Variants in CHODL observed in about 807,000 individuals in gnomAD.
CHODL encodes transmembrane protein MT75.
CHODL carries 29 observed loss-of-function variants against 34.5 expected under a neutral mutation model. The ratio of observed to expected loss-of-function variants is 0.84; its 90% confidence interval spans 0.63 to 1.15. The LOEUF (loss-of-function observed/expected upper bound fraction) is 1.15, where lower values mean the gene tolerates loss of function less well. CHODL is among the 50% of genes most tolerant of loss of function. CHODL has a pLI of 0.00. For missense variants in CHODL, 332 were observed against 332.5 expected, an observed-to-expected ratio of 1.00 and a Z score of 0.01; for synonymous variants, 125 against 116.1, an observed-to-expected ratio of 1.08 and a Z score of -0.49.
chr21:17,922,340 T>A (rs1488619591), intron 1 of CHODL, among the ~76,000 whole-genome samples: 1 of 152,184 alleles, frequency 6.6e-6, no homozygotes, highest in South Asian at 2.1e-4. Flanking sequence ...TTTACAACAT[T>A]GTTCCACTGC....
chr21:18,030,638 T>G (rs950943020), intron 2 of CHODL, among the ~76,000 whole-genome samples: 8 of 152,128 alleles, frequency 5.3e-5, no homozygotes, highest in African/African-American at 1.9e-4. Flanking sequence ...TTGGTTGCAA[T>G]GAAGAATGCA....
chr21:18,170,418 A>G (rs889778552), intron 2 of CHODL, among the ~76,000 whole-genome samples: 4 of 152,098 alleles, frequency 2.6e-5, no homozygotes, highest in African/African-American at 9.7e-5. Context: ...ATAATTGCTG[A>G]TTAAACAGAA....
At chr21:18,218,015 C>CT (rs2073847347) in intron 2 of CHODL, among the ~76,000 whole-genome samples, 1 of 152,218 alleles carries the variant, frequency 6.6e-6, no homozygotes, top group African/African-American at 2.4e-5. Flanking sequence ...TGTACAGTCC[C>CT]ACTCTGGGCT....
intron 2 of CHODL, among the ~76,000 whole-genome samples, chr21:18,044,252 T>G (rs1290359984): frequency 1.3e-5 from 2 of 152,028 alleles, no homozygotes; most frequent in Non-Finnish European, 2.9e-5. Context: ...AAATGTGAAT[T>G]GTGTGATTTC....
chr21:18,094,428 C>T (rs568169693), intron 2 of CHODL, among the ~76,000 whole-genome samples: 58 of 152,166 alleles, frequency 3.8e-4, no homozygotes, highest in Admixed American at 7.2e-4. Context: ...CTCCTCAGCA[C>T]GTAGATTATT....
chr21:18,228,341 G>A (rs939524567), intron 2 of CHODL, among the ~76,000 whole-genome samples: 1 of 152,010 alleles, frequency 6.6e-6, no homozygotes, highest in African/African-American at 2.4e-5. Flanking sequence ...CATGTAAATC[G>A]CTTTCTCTGT....
At chr21:18,163,520 C>T (rs2073120308) in intron 2 of CHODL, among the ~76,000 whole-genome samples, 1 of 152,002 alleles carries the variant, frequency 6.6e-6, no homozygotes, top group Admixed American at 6.6e-5. Flanking sequence ...GAAGATATAG[C>T]TAGGACCAAA....
intron 2 of CHODL, among the ~76,000 whole-genome samples, chr21:18,150,704 CTTA>C (rs1188137076): frequency 2.0e-5 from 3 of 152,136 alleles, no homozygotes; most frequent in Non-Finnish European, 1.5e-5. Context: ...CTGCCACACC[CTTA>C]TTATTTCTCC....
At chr21:18,255,541 T>C (rs1403420779) in intron 1 of CHODL, among the ~76,000 whole-genome samples, 2 of 152,094 alleles carry the variant, frequency 1.3e-5, no homozygotes, top group Non-Finnish European at 2.9e-5. Context: ...TAACTGTCTT[T>C]GAAAGACCAG....
Position 18,256,323 on chromosome 21 carries a change from G to A in CHODL, c.80-186G>A, listed in dbSNP as rs867374534. Reference sequence around the variant, plus strand: ...AAGTTTATGTTGCAAGTTTACGAGGGAATAAATTTGCTTTTACAAATTGCA... The same window carrying A: ...AAGTTTATGTTGCAAGTTTACGAGGAAATAAATTTGCTTTTACAAATTGCA... On this transcript the variant is annotated intron_variant, in intron 1 of 5. Transcript: ENST00000299295. Among the ~76,000 whole-genome samples, 49 of 152,212 alleles carry A rather than the reference G, an allele frequency of 3.2e-4. No individual in the cohort carries two copies. The Middle Eastern group carries it at 0.01, about 32-fold the overall frequency.
intron 1 of CHODL, among the ~76,000 whole-genome samples, chr21:17,944,403 A>T (rs948956567): frequency 2.6e-5 from 4 of 152,126 alleles, no homozygotes; most frequent in Non-Finnish European, 5.9e-5. Context: ...TTTTTGGAGA[A>T]ATGTAACAGC....
chr21:18,165,137 C>A (rs912953499), intron 2 of CHODL, among the ~76,000 whole-genome samples: 2 of 152,106 alleles, frequency 1.3e-5, no homozygotes, highest in African/African-American at 4.8e-5. Context: ...GTAGTGTTCC[C>A]CAAGTTGTGA....
In CHODL at chr21:17,965,646, C is replaced by G. The variant is rs76234144; in HGVS notation, c.-145+48246C>G. ...TCTTGTCTTATAGATGATTTCACGT[C>G]ACTTTCTTCTGCTAGATTGTGAGTT... On this transcript the variant is annotated intron_variant, in intron 1 of 6. Transcript: ENST00000400127. Among the ~76,000 whole-genome samples the G allele has an allele frequency of 4.5e-3, 692 of 152,246 alleles. 4 individuals carry two copies. Among genetic ancestry groups the G allele is most frequent in the African/African-American group, 0.015 (641 of 41,532 alleles).
rs574624752 is a variant in CHODL, at chr21:17,987,670, C to G, written c.-144-40202C>G. Among the ~76,000 whole-genome samples, 44 of 152,170 alleles carry G rather than the reference C, an allele frequency of 2.9e-4. 1 individual carries two copies. In the East Asian group the frequency reaches 2.9e-3, roughly 10 times the overall value. On this transcript the variant is annotated intron_variant, in intron 1 of 6. Transcript: ENST00000400127. Reference sequence around the variant, plus strand: ...ATGACCTGTTTTCTTTGAACACTGACTTAATAGAAAAGCAAAGAGCTACCC... The same window carrying G: ...ATGACCTGTTTTCTTTGAACACTGAGTTAATAGAAAAGCAAAGAGCTACCC...
chr21:18,035,966 T>G (rs2064304295), intron 2 of CHODL, among the ~76,000 whole-genome samples: 1 of 152,052 alleles, frequency 6.6e-6, no homozygotes, highest in South Asian at 2.1e-4. Context: ...TTTTCCTCCT[T>G]TGCATATTTG....
At chr21:18,017,332 C>G (rs1198015271) in intron 1 of CHODL, among the ~76,000 whole-genome samples, 2 of 152,136 alleles carry the variant, frequency 1.3e-5, no homozygotes, top group Non-Finnish European at 2.9e-5. Flanking sequence ...CCTTGCTGTT[C>G]TTGTGATAGT....
At chr21:18,181,435 C>T (rs1324937228) in intron 2 of CHODL, among the ~76,000 whole-genome samples, 1 of 152,226 alleles carries the variant, frequency 6.6e-6, no homozygotes. Context: ...CGGAGTCTCG[C>T]TCTGTCGCCT....
At chr21:18,095,123 CAA>C (rs71329775) in intron 2 of CHODL, among the ~76,000 whole-genome samples, 59,873 of 131,806 alleles carry the variant, frequency 0.45, 13,207 homozygotes, top group Non-Finnish European at 0.55. Context: ...GACTTTGTCT[CAA>C]AAAAAAAAAA....
At chr21:18,169,490 G>C (rs2073201401) in intron 2 of CHODL, among the ~76,000 whole-genome samples, 1 of 150,990 alleles carries the variant, frequency 6.6e-6, no homozygotes, top group African/African-American at 2.4e-5. Flanking sequence ...ACAGTATCTT[G>C]AGCACTGTAA....
Sources: allele counts gnomAD v4.1 joint callset (sites outside exome capture counted in the v4.1 genomes callset), GRCh38; gene constraint gnomAD v4.1.1; transcripts MANE v1.5; gene names NCBI Gene and HGNC (gene_info 2026-07-23, HGNC 2026-07-21).